Variants in FAM13A observed in about 807,000 individuals in gnomAD.
FAM13A encodes the protein protein FAM13A.
FAM13A carries 76 observed loss-of-function variants against 129.6 expected under a neutral mutation model. The ratio of observed to expected loss-of-function variants is 0.59; its 90% confidence interval spans 0.49 to 0.71. The LOEUF (loss-of-function observed/expected upper bound fraction) is 0.71, where lower values mean the gene tolerates loss of function less well. FAM13A is among the 30% of genes least tolerant of loss of function. FAM13A has a pLI of 0.00. For missense variants in FAM13A, 1,108 were observed against 1,249.3 expected (o/e 0.89, Z 1.70); for synonymous variants, 443 against 449.9 (o/e 0.98, Z 0.20).
intron 5 of FAM13A, among the ~76,000 whole-genome samples, chr4:88,924,109 G>A (rs1179983819): frequency 1.3e-5 from 2 of 152,094 alleles, no homozygotes; most frequent in Admixed American, 6.5e-5. Flanking sequence ...AATCAATATC[G>A]TGAAAATGGC....
intron 9 of FAM13A, 70 bp from the exon 10 acceptor site, chr4:88,788,002 C>CT (rs1421021664): frequency 1.5e-6 from 2 of 1,323,290 alleles, no homozygotes; most frequent in Non-Finnish European, 2.1e-6. Context: ...AAATCTGTGC[C>CT]TACAGTTTTG....
intron 10 of FAM13A, among the ~76,000 whole-genome samples, chr4:88,782,667 T>C (rs369006965): frequency 3.9e-5 from 6 of 152,322 alleles, no homozygotes; most frequent in African/African-American, 1.4e-4. Flanking sequence ...TAGTCTTTTT[T>C]CTACAACTTT....
intron 4 of FAM13A, among the ~76,000 whole-genome samples, chr4:88,963,512 G>A (rs992613103): frequency 1.3e-5 from 2 of 151,986 alleles, no homozygotes; most frequent in Non-Finnish European, 2.9e-5. Flanking sequence ...AGGCCGGGAT[G>A]GTCTCGAACT....
chr4:88,810,819 A>G (rs553991312), intron 7 of FAM13A, among the ~76,000 whole-genome samples: 1 of 152,328 alleles, frequency 6.6e-6, no homozygotes, highest in African/African-American at 2.4e-5. Context: ...AACACATTTT[A>G]TATCACGACA....
intron 7 of FAM13A, among the ~76,000 whole-genome samples, chr4:88,846,952 A>G (rs1437211031): frequency 1.3e-5 from 2 of 152,230 alleles, no homozygotes; most frequent in Non-Finnish European, 2.9e-5. Flanking sequence ...AAATATGATT[A>G]CGTTATGTTA....
chr4:88,855,095 C>T (rs11735482), intron 6 of FAM13A, among the ~76,000 whole-genome samples: 107,342 of 152,102 alleles, frequency 0.71, 39,415 homozygotes, highest in East Asian at 0.93. Flanking sequence ...AGAACCCAGA[C>T]AGGCCTCAGT....
At chr4:88,986,628 C>T (rs967627943) in intron 4 of FAM13A, among the ~76,000 whole-genome samples, 7 of 152,168 alleles carry the variant, frequency 4.6e-5, no homozygotes, top group Non-Finnish European at 8.8e-5. Flanking sequence ...ACGGACTGCC[C>T]GGATGTCTTA....
intron 7 of FAM13A, among the ~76,000 whole-genome samples, chr4:88,835,116 G>A (rs970167922): frequency 1.3e-5 from 2 of 152,096 alleles, no homozygotes; most frequent in African/African-American, 4.8e-5. Context: ...CACATGCTCA[G>A]CAGGCCTGGT....
chr4:88,736,917 G>C (rs1463293669), intron 21 of FAM13A, among the ~76,000 whole-genome samples: 1 of 152,176 alleles, frequency 6.6e-6, no homozygotes, highest in Non-Finnish European at 1.5e-5. Flanking sequence ...CTATGAGAAA[G>C]TCAAGAAGGA....
chr4:88,749,084 T>A (rs749626673), intron 16 of FAM13A, 51 bp from the exon 17 acceptor site: 2 of 1,315,684 alleles, frequency 1.5e-6, no homozygotes, highest in South Asian at 1.2e-5. Context: ...GCAGGGAAAG[T>A]AAGAAGTGTT....
At position 88,829,238 on chromosome 4, in the gene FAM13A, G is replaced by T. The variant is rs201328120; in HGVS notation, c.1007+21782C>A. ...TATTTCTTACAAGTTTGATAAGAAG[G>T]TCCTTCTAGCCTAAGCAACATAGTG... On this transcript the variant is annotated intron_variant, in intron 7 of 23. Coordinates refer to ENST00000264344, the MANE Select transcript of FAM13A (RefSeq NM_014883.4). Among the ~76,000 whole-genome samples the T allele has an allele frequency of 7.9e-5, 12 of 152,280 alleles. No homozygotes were observed. In the East Asian group the frequency reaches 1.9e-3, roughly 24 times the overall value.
chr4:88,970,266 CTAATA>C (rs1198524654), intron 4 of FAM13A, among the ~76,000 whole-genome samples: 1 of 152,120 alleles, frequency 6.6e-6, no homozygotes, highest in African/African-American at 2.4e-5. Flanking sequence ...AGATATTCCT[CTAATA>C]TAATATAATT....
At chr4:88,779,046 AT>A (rs973042143) in intron 11 of FAM13A, among the ~76,000 whole-genome samples, 17 of 151,590 alleles carry the variant, frequency 1.1e-4, no homozygotes, top group African/African-American at 3.4e-4. Flanking sequence ...TTCCCTGCAT[AT>A]TTTTTTTCTT....
At chr4:88,870,506 C>G (rs1236285146) in intron 6 of FAM13A, among the ~76,000 whole-genome samples, 1 of 152,166 alleles carries the variant, frequency 6.6e-6, no homozygotes, top group Non-Finnish European at 1.5e-5. Flanking sequence ...TGGGGGGGGT[C>G]CCGCGCCCAC....
Position 88,787,940 on chromosome 4 carries a change from A to C in FAM13A, c.1092-8T>G, listed in dbSNP as rs1185298859. On this transcript the variant is annotated splice_polypyrimidine_tract_variant and splice_region_variant and intron_variant, in intron 9 of 23. Transcript: ENST00000264344. ...ATGGTTCTTTCTAAGAGTCTGGCAA[A>C]AAAGAATGCAGAGTCATTCAAGCAG... 6.2e-7 allele frequency: 1 copy of C among 1,610,216 alleles called. No individual in the cohort carries two copies. Among genetic ancestry groups the C allele is most frequent in the East Asian group, 2.2e-5 (1 of 44,714 alleles).
chr4:88,853,569 T>C (rs186040069), intron 6 of FAM13A, among the ~76,000 whole-genome samples: 1 of 152,314 alleles, frequency 6.6e-6, no homozygotes, highest in African/African-American at 2.4e-5. Context: ...ATCTCACATT[T>C]AGATTTAGTT....
intron 3 of FAM13A, among the ~76,000 whole-genome samples, chr4:89,003,552 G>C (rs557226749): frequency 6.6e-6 from 1 of 152,020 alleles, no homozygotes; most frequent in African/African-American, 2.4e-5. Context: ...GGGAGGTGGA[G>C]GTTGCAGTAA....
intron 6 of FAM13A, among the ~76,000 whole-genome samples, chr4:88,880,391 C>A (rs1007786434): frequency 6.6e-6 from 1 of 151,974 alleles, no homozygotes; most frequent in South Asian, 2.1e-4. Flanking sequence ...GAGAGCCAAG[C>A]GAAATATCAG....
intron 7 of FAM13A, among the ~76,000 whole-genome samples, chr4:88,833,176 C>T (rs999396359): frequency 1.3e-5 from 2 of 152,172 alleles, no homozygotes; most frequent in East Asian, 1.9e-4. Context: ...GGGAGCTGAA[C>T]GAAGAGAACA....
Sources: allele counts gnomAD v4.1 joint callset (sites outside exome capture counted in the v4.1 genomes callset), GRCh38; gene constraint gnomAD v4.1.1; transcripts MANE v1.5; gene names NCBI Gene and HGNC (gene_info 2026-07-23, HGNC 2026-07-21).